The following KIF16B variants were observed in gnomAD, a reference collection of about 807,000 sequenced individuals.
KIF16B encodes kinesin family member 16B.
A neutral mutation model predicts 156.3 loss-of-function variants in KIF16B; 98 were observed. The observed-to-expected ratio is 0.63, with a 90% CI of 0.53 to 0.74. The LOEUF (loss-of-function observed/expected upper bound fraction) is 0.74. KIF16B is among the 30% of genes least tolerant of loss of function. The pLI, the probability that KIF16B is intolerant of heterozygous loss-of-function variation, is 0.00. For missense variants in KIF16B, 1,421 were observed against 1,606.5 expected, an observed-to-expected ratio of 0.88 and a Z score of 1.97; for synonymous variants, 564 against 583.7, an observed-to-expected ratio of 0.97 and a Z score of 0.49.
intron 12 of KIF16B, among the ~76,000 whole-genome samples, chr20:16,458,334 C>T (rs972688156): frequency 2.0e-5 from 3 of 152,196 alleles, no homozygotes; most frequent in African/African-American, 7.2e-5. Flanking sequence ...CACTTTTCCT[C>T]TTGATTACTT....
chr20:16,412,937 A>T (rs867778554), intron 15 of KIF16B, among the ~76,000 whole-genome samples: 3 of 152,204 alleles, frequency 2.0e-5, no homozygotes, highest in Middle Eastern at 6.8e-3. Context: ...TAGTTTCTTG[A>T]TGAAACCTGA....
intron 15 of KIF16B, among the ~76,000 whole-genome samples, chr20:16,412,439 A>G (rs753738708): frequency 3.3e-5 from 5 of 152,154 alleles, no homozygotes; most frequent in Non-Finnish European, 7.4e-5. Flanking sequence ...GTATTAGTCC[A>G]TTCTCATACT....
chr20:16,430,114 T>A, intron 12 of KIF16B, 132 bp from the exon 13 acceptor site: 1 of 940,592 alleles, frequency 1.1e-6, no homozygotes, highest in South Asian at 1.9e-5. Flanking sequence ...AAATGGACCT[T>A]AAACTTCGTG....
intron 12 of KIF16B, among the ~76,000 whole-genome samples, chr20:16,433,698 G>A (rs1419572309): frequency 6.6e-6 from 1 of 151,988 alleles, no homozygotes; most frequent in Non-Finnish European, 1.5e-5. Flanking sequence ...ATTGCAAGTG[G>A]GGAAGGATGA....
intron 12 of KIF16B, among the ~76,000 whole-genome samples, chr20:16,437,952 G>A (rs1310192530): frequency 6.6e-6 from 1 of 150,664 alleles, no homozygotes; most frequent in South Asian, 2.1e-4. Flanking sequence ...GGAAAACAGG[G>A]TGAAACCCCA....
chr20:16,287,027 C>T (rs1027960451), intron 25 of KIF16B, among the ~76,000 whole-genome samples: 30 of 152,106 alleles, frequency 2.0e-4, no homozygotes, highest in African/African-American at 7.2e-4. Flanking sequence ...CCAGCTGGGC[C>T]CTGCCCAAAT....
chr20:16,573,206 G>T, intron 1 of KIF16B, 23 bp downstream of exon 1: 1 of 1,570,510 alleles, frequency 6.4e-7, no homozygotes, highest in Non-Finnish European at 8.6e-7. Flanking sequence ...ACGAGGGGGC[G>T]GGGCGCGGGC....
intron 17 of KIF16B, among the ~76,000 whole-genome samples, chr20:16,401,189 G>C (rs1352398247): frequency 6.6e-6 from 1 of 152,200 alleles, no homozygotes; most frequent in Non-Finnish European, 1.5e-5. Context: ...AGGTCAACAG[G>C]CTGCATAATG....
At position 16,380,067 on chromosome 20, in the gene KIF16B, T is replaced by G. The variant is rs773856176; in HGVS notation, c.1935A>C (p.Glu645Asp). 1 of 1,552,700 alleles carries G rather than the reference T, an allele frequency of 6.4e-7. No homozygotes were observed. The highest frequency in any genetic ancestry group is 2.2e-5 in the East Asian group (1 of 44,504). ...GCTTGCGAATCTGGAGCTGCACGAT[T>G]TCTGTCTCCTTGCGCTGGGTCTCCA... ...QEVETQRKET[E>D]IVQLQIRKQE... is the part of the protein sequence containing the mutation. Residue 645 changes from glutamate (E) to aspartate (D), a missense_variant, in exon 19 of 26, where the codon GAA becomes GAC. Transcript: ENST00000354981.
chr20:16,327,891 T>C (rs1347250397), intron 24 of KIF16B, among the ~76,000 whole-genome samples: 1 of 152,196 alleles, frequency 6.6e-6, no homozygotes, highest in Non-Finnish European at 1.5e-5. Context: ...GTGCTCTCTG[T>C]GGCTGCAGTT....
At chr20:16,402,934 C>T (rs1212924192) in intron 17 of KIF16B, among the ~76,000 whole-genome samples, 2 of 152,200 alleles carry the variant, frequency 1.3e-5, no homozygotes, top group Non-Finnish European at 2.9e-5. Flanking sequence ...ACTACACTTT[C>T]TCCTGTTTTA....
intron 2 of KIF16B, 102 bp from the exon 3 acceptor site, chr20:16,526,307 C>A: frequency 1.9e-6 from 1 of 519,744 alleles, no homozygotes; most frequent in Non-Finnish European, 3.4e-6. Flanking sequence ...TTCATTCCTG[C>A]TGGCTTCTCT....
At chr20:16,471,721 T>A (rs1347415025) in intron 12 of KIF16B, among the ~76,000 whole-genome samples, 1 of 152,242 alleles carries the variant, frequency 6.6e-6, no homozygotes, top group Non-Finnish European at 1.5e-5. Flanking sequence ...AGGGTTCTTT[T>A]GACCCACACA....
intron 3 of KIF16B, among the ~76,000 whole-genome samples, chr20:16,518,739 A>T (rs1385413987): frequency 2.6e-5 from 4 of 152,188 alleles, no homozygotes; most frequent in Non-Finnish European, 5.9e-5. Flanking sequence ...ATTAACGGTC[A>T]TCTTACTTGG....
chr20:16,453,140 T>C (rs1450610466), intron 12 of KIF16B, among the ~76,000 whole-genome samples: 2 of 150,978 alleles, frequency 1.3e-5, no homozygotes, highest in African/African-American at 2.4e-5. Flanking sequence ...TTTAGTGGTA[T>C]GCACCTGTAG....
At chr20:16,350,959 A>G (rs1170791762) in intron 23 of KIF16B, among the ~76,000 whole-genome samples, 4 of 152,066 alleles carry the variant, frequency 2.6e-5, no homozygotes, top group African/African-American at 9.7e-5. Flanking sequence ...GGGGAAGATC[A>G]GCAAACAAGA....
intron 12 of KIF16B, among the ~76,000 whole-genome samples, chr20:16,481,995 A>G (rs1218646157): frequency 6.6e-6 from 1 of 152,182 alleles, no homozygotes; most frequent in Non-Finnish European, 1.5e-5. Context: ...TGGGGAACAG[A>G]AAGTGACCTG....
chr20:16,284,231 TA>T (rs1365919902), intron 25 of KIF16B, among the ~76,000 whole-genome samples: 1 of 152,258 alleles, frequency 6.6e-6, no homozygotes, highest in East Asian at 1.9e-4. Flanking sequence ...CAAGCCAATC[TA>T]AAACTGTAAG....
intron 24 of KIF16B, among the ~76,000 whole-genome samples, chr20:16,318,981 A>G (rs1025406814): frequency 1.3e-5 from 2 of 152,212 alleles, no homozygotes; most frequent in African/African-American, 4.8e-5. Flanking sequence ...ACATACTGAT[A>G]GTATATATCC....
Sources: gnomAD v4.1 joint callset for allele counts (sites outside exome capture counted in the v4.1 genomes callset) on GRCh38, gnomAD v4.1.1 for gene constraint, MANE v1.5 for transcripts, NCBI Gene and HGNC (gene_info 2026-07-23, HGNC 2026-07-21) for gene names.